The following SHROOM3 variants were observed in gnomAD, a reference collection of about 807,000 sequenced individuals.
The protein encoded by SHROOM3 is shroom family member 3.
SHROOM3 carries 47 observed loss-of-function variants against 138.6 expected under a neutral mutation model. That is an observed-to-expected ratio of 0.34 (90% CI 0.27 to 0.43). The LOEUF is 0.43. Ranked by LOEUF, SHROOM3 falls within the 20% of genes least tolerant of loss-of-function variation. The probability of loss-of-function intolerance (pLI) is 1.00; values close to 1 mark genes in which losing one functional copy is unlikely to be tolerated. For missense variants in SHROOM3, 2,491 were observed against 2,596.5 expected (o/e 0.96, Z 0.88); for synonymous variants, 1,062 against 1,063.3 (o/e 1.00, Z 0.02).
intron 2 of SHROOM3, among the ~76,000 whole-genome samples, chr4:76,703,141 G>C (rs1019641130): frequency 6.6e-6 from 1 of 152,144 alleles, no homozygotes; most frequent in Admixed American, 6.5e-5. Flanking sequence ...AGAGCTGAAG[G>C]GTTATGTGTG....
chr4:76,695,185 C>G (rs6817407), intron 2 of SHROOM3, among the ~76,000 whole-genome samples: 44,296 of 151,960 alleles, frequency 0.29, 6,631 homozygotes, highest in East Asian at 0.42. Context: ...AGGAAAGGCT[C>G]TAATGAACAT....
rs35590411 is a variant in SHROOM3, at chr4:76,772,103, C to CT, written c.5622+1223dup. 5.3e-3 allele frequency among the ~76,000 whole-genome samples: 659 copies of CT among 125,124 alleles called. 7 individuals carry two copies. Among genetic ancestry groups the CT allele is most frequent in the East Asian group, 0.01 (44 of 4,390 alleles). 82.1% of individuals were successfully genotyped at this position (125,124 alleles called of 152,430 possible). On this transcript the variant is annotated intron_variant, in intron 10 of 10. Coordinates refer to ENST00000296043, the MANE Select transcript of SHROOM3 (RefSeq NM_020859.4). Reference sequence around the variant, plus strand: ...CTATGCTACCATCTTTTTTCTTTTTCTTTTTTTTTTTTTTTTTTGAGACAG... The same window carrying CT: ...CTATGCTACCATCTTTTTTCTTTTTCTTTTTTTTTTTTTTTTTTTGAGACAG...
chr4:76,518,628 C>T (rs1732498180), intron 1 of SHROOM3, among the ~76,000 whole-genome samples: 1 of 151,890 alleles, frequency 6.6e-6, no homozygotes, highest in South Asian at 2.1e-4. Flanking sequence ...TTCAAAGAAT[C>T]AAAAATGGCT....
intron 1 of SHROOM3, among the ~76,000 whole-genome samples, chr4:76,544,486 G>A (rs796896754): frequency 1.6e-4 from 21 of 134,804 alleles, no homozygotes; most frequent in African/African-American, 4.6e-4. Flanking sequence ...GCACAATCTC[G>A]GCTCACTGCA....
intron 2 of SHROOM3, among the ~76,000 whole-genome samples, chr4:76,677,421 G>T (rs1017685164): frequency 1.3e-5 from 2 of 152,104 alleles, no homozygotes; most frequent in Non-Finnish European, 2.9e-5. Flanking sequence ...GTTGAGCTTC[G>T]TTTTCTCTTC....
chr4:76,502,382 C>G (rs1291117789), intron 1 of SHROOM3, among the ~76,000 whole-genome samples: 2 of 152,160 alleles, frequency 1.3e-5, no homozygotes, highest in Non-Finnish European at 2.9e-5. Context: ...CGATGGATAG[C>G]TGGTCATTCA....
chr4:76,639,588 T>A (rs550684571), intron 2 of SHROOM3: 6 of 398,490 alleles, frequency 1.5e-5, no homozygotes, highest in Non-Finnish European at 2.2e-5. Context: ...GGCGGCTGCC[T>A]GGCTCTGATG....
At chr4:76,444,484 C>CTTTTTTTTTTTT (rs61655085) in intron 1 of SHROOM3, among the ~76,000 whole-genome samples, 2 of 60,150 alleles carry the variant, frequency 3.3e-5, no homozygotes, top group African/African-American at 6.6e-5. Flanking sequence ...CTCTTTCTTT[C>CTTTTTTTTTTTT]TTTTTTTTTT....
At chr4:76,748,466 A>G (rs1386192111) in intron 5 of SHROOM3, among the ~76,000 whole-genome samples, 1 of 151,932 alleles carries the variant, frequency 6.6e-6, no homozygotes, top group Non-Finnish European at 1.5e-5. Context: ...AAAAACAACT[A>G]CCCCTGAAAA....
At chr4:76,511,511 G>T (rs374650365) in intron 1 of SHROOM3, among the ~76,000 whole-genome samples, 11 of 152,210 alleles carry the variant, frequency 7.2e-5, no homozygotes, top group Middle Eastern at 3.4e-3. Flanking sequence ...ATTTCTCCAA[G>T]GCTTTTTCTA....
intron 2 of SHROOM3, among the ~76,000 whole-genome samples, chr4:76,631,420 C>T (rs1194500428): frequency 1.3e-5 from 2 of 151,856 alleles, no homozygotes; most frequent in Non-Finnish European, 2.9e-5. Context: ...ACCATATTGG[C>T]CAGGCTGGTC....
intron 2 of SHROOM3, among the ~76,000 whole-genome samples, chr4:76,573,136 C>T (rs1198725068): frequency 2.6e-5 from 4 of 151,360 alleles, no homozygotes; most frequent in Non-Finnish European, 4.4e-5. Context: ...AAGCTTGAAA[C>T]TCAATAAAAT....
chr4:76,638,308 T>C lies in SHROOM3; in HGVS notation c.324-71848T>C, dbSNP rs184421073. On this transcript the variant is annotated intron_variant, in intron 2 of 10. Transcript: ENST00000296043. The stretch of plus-strand genomic sequence containing the variant: ...AATCAAAAATATGTTTATATATACC[T>C]ACTATGTACCCAAAAAAATTAAAAC... Among the ~76,000 whole-genome samples, 158 of 152,264 alleles carry C rather than the reference T, an allele frequency of 1.0e-3. 1 individual carries two copies. Among genetic ancestry groups the C allele is most frequent in the African/African-American group, 3.6e-3 (151 of 41,558 alleles).
chr4:76,773,556 G>A lies in SHROOM3; in HGVS notation c.5622+2658G>A, dbSNP rs73826435. ...CCAGAGCTATAGCATCAGCAGCAAAGCCATTATGGGCCTCTTTCTGAAGGG... is the reference window on the plus strand; with the variant it reads ...CCAGAGCTATAGCATCAGCAGCAAAACCATTATGGGCCTCTTTCTGAAGGG... On this transcript the variant is annotated intron_variant, in intron 10 of 10. Transcript: ENST00000296043. Among the ~76,000 whole-genome samples the A allele has an allele frequency of 9.3e-3, 1,413 of 152,214 alleles. 24 individuals are homozygous for A. Among genetic ancestry groups the A allele is most frequent in the African/African-American group, 0.033 (1,357 of 41,538 alleles).
chr4:76,709,468 C>G (rs530629136), intron 2 of SHROOM3, among the ~76,000 whole-genome samples: 1 of 152,152 alleles, frequency 6.6e-6, no homozygotes, highest in African/African-American at 2.4e-5. Flanking sequence ...TTCCTGTTCC[C>G]ATGGCGGAAC....
rs373108616 is a variant in SHROOM3, at chr4:76,744,604, A to G, written c.3753+2678A>G. ...ATTATATACATATTTTTCCTATTGA[A>G]TAAATTTCAAGAACATTATCAGTAA... On this transcript the variant is annotated intron_variant, in intron 5 of 10. Transcript: ENST00000296043. 5.3e-5 allele frequency among the ~76,000 whole-genome samples: 8 copies of G among 152,260 alleles called. No individual in the cohort carries two copies. The East Asian group carries it at 1.3e-3, about 26-fold the overall frequency.
intron 1 of SHROOM3, among the ~76,000 whole-genome samples, chr4:76,504,844 T>C (rs1732176479): frequency 6.6e-6 from 1 of 152,140 alleles, no homozygotes; most frequent in Non-Finnish European, 1.5e-5. Flanking sequence ...CCCAGGATGG[T>C]TGGGGTAAGT....
At chr4:76,644,640 T>G (rs534233976) in intron 2 of SHROOM3, among the ~76,000 whole-genome samples, 1 of 152,258 alleles carries the variant, frequency 6.6e-6, no homozygotes, top group South Asian at 2.1e-4. Context: ...AATGTGATGA[T>G]TTGATACATG....
intron 2 of SHROOM3, among the ~76,000 whole-genome samples, chr4:76,651,397 CATAAATATATATATATATATATAT>C (rs1458340079): frequency 5.6e-5 from 4 of 71,382 alleles, no homozygotes; most frequent in African/African-American, 1.0e-4. Context: ...TCATGTAACC[CATAAATATATATATATATATATAT>C]ATATATATAT....
Sources: allele counts gnomAD v4.1 joint callset (sites outside exome capture counted in the v4.1 genomes callset), GRCh38; gene constraint gnomAD v4.1.1; transcripts MANE v1.5; gene names NCBI Gene and HGNC (gene_info 2026-07-23, HGNC 2026-07-21).